Variants in PRR14L observed in about 807,000 individuals in gnomAD.
PRR14L encodes the protein proline rich 14 like, also known as protein PRR14L.
PRR14L carries 80 observed loss-of-function variants against 155.0 expected under a neutral mutation model. That is an observed-to-expected ratio of 0.52 (90% CI 0.43 to 0.62). The LOEUF (loss-of-function observed/expected upper bound fraction) is 0.62. PRR14L is among the 20% of genes least tolerant of loss of function. The pLI, the probability that PRR14L is intolerant of heterozygous loss-of-function variation, is 0.00. For synonymous variants in PRR14L, 883 were observed against 916.0 expected (o/e 0.96, Z 0.65); for missense variants, 2,469 against 2,548.0 (o/e 0.97, Z 0.67).
chr22:31,737,969 C>T (rs1388751110), intron 2 of PRR14L, among the ~76,000 whole-genome samples: 4 of 151,460 alleles, frequency 2.6e-5, no homozygotes, highest in Admixed American at 6.6e-5. Context: ...GAGCCAAGGT[C>T]GTGCCACTGC....
At chr22:31,693,512 C>T (rs1024824441) in intron 7 of PRR14L, among the ~76,000 whole-genome samples, 18 of 152,182 alleles carry the variant, frequency 1.2e-4, no homozygotes, top group Non-Finnish European at 2.4e-4. Context: ...TTTAGAAATT[C>T]TGAATAAAGC....
At chr22:31,717,330 T>C in intron 3 of PRR14L, 39 bp from the exon 4 acceptor site, 1 of 1,450,468 alleles carries the variant, frequency 6.9e-7, no homozygotes, top group East Asian at 2.5e-5. Context: ...TATGCAGTAA[T>C]AAAAAATCAC....
At chr22:31,731,817 C>A (rs1400174161) in intron 2 of PRR14L, among the ~76,000 whole-genome samples, 1 of 152,062 alleles carries the variant, frequency 6.6e-6, no homozygotes, top group African/African-American at 2.4e-5. Flanking sequence ...TGACTTTATT[C>A]TTTAAGAGGA....
Position 31,715,994 on chromosome 22 carries a change from G to A in PRR14L, c.1845C>T (p.Thr615=). 6.4e-7 allele frequency: 1 copy of A among 1,551,120 alleles called. No individual in the cohort carries two copies. Among genetic ancestry groups the A allele is most frequent in the Middle Eastern group, 1.7e-4 (1 of 5,992 alleles). ...YRPESEKVIQ[T]SHDDIPLLDE... is the part of the protein sequence containing the mutation. ...CTAAAAGTGGAATATCATCATGTGA[G>A]GTCTGTATAACTTTTTCTGACTCAG... The change falls in exon 4 of 9, where the codon ACC becomes ACT. Residue 615 remains threonine, a synonymous_variant. Transcript: ENST00000327423.
chr22:31,702,000 A>G (rs1049767517), intron 6 of PRR14L, among the ~76,000 whole-genome samples: 1 of 152,014 alleles, frequency 6.6e-6, no homozygotes, highest in African/African-American at 2.4e-5. Flanking sequence ...GGGTCTCGCT[A>G]TATTGCCCAG....
intron 7 of PRR14L, among the ~76,000 whole-genome samples, chr22:31,691,353 A>C (rs1388374356): frequency 6.6e-6 from 1 of 152,032 alleles, no homozygotes; most frequent in Admixed American, 6.6e-5. Context: ...TCAGCCTCCC[A>C]AAGTGCTGGG....
chr22:31,692,450 G>C (rs1339398859), intron 7 of PRR14L, among the ~76,000 whole-genome samples: 1 of 151,984 alleles, frequency 6.6e-6, no homozygotes, highest in Non-Finnish European at 1.5e-5. Flanking sequence ...AATGCTTGTG[G>C]GCCATTTGTC....
chr22:31,703,624 G>A lies in PRR14L; in HGVS notation c.5926C>T (p.Arg1976Cys), dbSNP rs757306550. Reference sequence around the variant, plus strand: ...ACACCATCCAGCTCATCCAATCCACGAACCTGGAACTCAGAGGCTGAAAGC... The same window carrying A: ...ACACCATCCAGCTCATCCAATCCACAAACCTGGAACTCAGAGGCTGAAAGC... ...LLLSASEFQV[R>C]GLDELDGVKA... Residue 1976 changes from arginine to cysteine, a missense_variant, in exon 6 of 9, where the codon CGT (arginine) becomes TGT (cysteine). Arg to Cys is a radical substitution (Grantham distance 180). Around this residue, in one of 2 missense-constraint regions of PRR14L, gnomAD observed 2,363 missense variants for 2,371.6 expected, o/e 1.00. Coordinates refer to ENST00000327423, the MANE Select transcript of PRR14L (RefSeq NM_173566.3). 9.9e-6 allele frequency: 16 copies of A among 1,613,730 alleles called. No individual in the cohort carries two copies. Among genetic ancestry groups the A allele is most frequent in the Admixed American group, 1.7e-5 (1 of 59,952 alleles).
Position 31,715,476 on chromosome 22 carries a change from C to T in PRR14L, c.2363G>A (p.Cys788Tyr), listed in dbSNP as rs773241791. 6.4e-6 allele frequency: 10 copies of T among 1,552,372 alleles called. No individual in the cohort carries two copies. The highest frequency in any genetic ancestry group is 8.7e-6 in the Non-Finnish European group (10 of 1,147,124). ...HSVQSQDISS[C>Y]HRVRKNVSQE... ...GGATACATTTTTTCTTACACGATGACAGCTAGAGATATCCTGAGATTGAAC... is the reference window on the plus strand; with the variant it reads ...GGATACATTTTTTCTTACACGATGATAGCTAGAGATATCCTGAGATTGAAC... The change falls in exon 4 of 9, where the codon TGT (cysteine) becomes TAT (tyrosine). Residue 788 changes from cysteine (C) to tyrosine (Y), a missense_variant. By Grantham distance (194) the Cys-to-Tyr change is radical. Around this residue, in one of 2 missense-constraint regions of PRR14L, gnomAD observed 2,363 missense variants for 2,371.6 expected, o/e 1.00. Transcript: ENST00000327423.
At chr22:31,719,802 T>C (rs1289669420) in intron 3 of PRR14L, among the ~76,000 whole-genome samples, 1 of 151,782 alleles carries the variant, frequency 6.6e-6, no homozygotes, top group African/African-American at 2.4e-5. Flanking sequence ...AGTGGTGCCA[T>C]CATGGCTCAC....
At position 31,723,622 on chromosome 22, in the gene PRR14L, T is replaced by C. The variant is rs190409634; in HGVS notation, c.547+1916A>G. ...GCCTCTAAGAACAGGGTGAGATTTA[T>C]GTACAAAACACCATTTCTCATCTTC... On this transcript the variant is annotated intron_variant, in intron 3 of 8. Coordinates refer to ENST00000327423, the MANE Select transcript of PRR14L (RefSeq NM_173566.3). Among the ~76,000 whole-genome samples the C allele has an allele frequency of 2.0e-5, 3 of 152,334 alleles. No homozygotes were observed. In the East Asian group the frequency reaches 5.8e-4, roughly 29 times the overall value.
At chr22:31,723,730 A>G (rs532253927) in intron 3 of PRR14L, among the ~76,000 whole-genome samples, 21 of 152,348 alleles carry the variant, frequency 1.4e-4, no homozygotes, top group African/African-American at 5.1e-4. Flanking sequence ...GCTGGGTGAT[A>G]AACTGGGACA....
rs772921565 is a variant in PRR14L, at chr22:31,714,165, T to C, written c.3674A>G (p.His1225Arg). The change falls in exon 4 of 9, where the codon CAT (histidine) becomes CGT (arginine). Residue 1225 changes from histidine (H) to arginine (R), a missense_variant. His to Arg is a conservative substitution (Grantham distance 29, BLOSUM62 0). Transcript: ENST00000327423. ...GISSKESMSC[H>R]DESSVSLRSL... ...TCTTAGGGAAACAGAGCTTTCATCATGGCAAGACATCGACTCTTTTGAGGA... is the reference window on the plus strand; with the variant it reads ...TCTTAGGGAAACAGAGCTTTCATCACGGCAAGACATCGACTCTTTTGAGGA... 9.7e-6 allele frequency: 15 copies of C among 1,551,554 alleles called. 1 individual carries two copies. Among genetic ancestry groups the C allele is most frequent in the Middle Eastern group, 3.3e-4 (2 of 6,014 alleles).
rs1191438526 is a variant in PRR14L, at chr22:31,713,505, T to C, written c.4334A>G (p.Asn1445Ser). ...KADKDESTMI[N>S]EITLAKLAKD... ...GGCCAGCTTTGCTAGGGTGATTTCA[T>C]TGATCATGGTGGACTCATCTTTGTC... The change falls in exon 4 of 9, where the codon AAT becomes AGT. Residue 1445 changes from asparagine to serine, a missense_variant. Asn to Ser is a conservative substitution (Grantham distance 46). Around this residue, in one of 2 missense-constraint regions of PRR14L, gnomAD observed 2,363 missense variants for 2,371.6 expected, o/e 1.00. Transcript: ENST00000327423. 2.6e-6 allele frequency: 4 copies of C among 1,552,148 alleles called. No homozygotes were observed. The highest frequency in any genetic ancestry group is 2.4e-5 in the South Asian group (2 of 84,056).
chr22:31,713,206 T>C lies in PRR14L; in HGVS notation c.4633A>G (p.Arg1545Gly), dbSNP rs532999755. The C allele has an allele frequency of 7.1e-6, 11 of 1,551,900 alleles. No homozygotes were observed. The highest frequency in any genetic ancestry group is 7.8e-6 in the Non-Finnish European group (9 of 1,147,042). Residue 1545 changes from arginine (R) to glycine (G), a missense_variant, in exon 4 of 9, where the codon AGA becomes GGA. Arg to Gly is a moderately radical substitution (Grantham distance 125). Around this residue, in one of 2 missense-constraint regions of PRR14L, gnomAD observed 2,363 missense variants for 2,371.6 expected, o/e 1.00. Coordinates refer to ENST00000327423, the MANE Select transcript of PRR14L (RefSeq NM_173566.3). Reference protein sequence around the residue: ...IIVGRKIGKIRSSAFLKSSSN... With the variant: ...IIVGRKIGKIGSSAFLKSSSN... ...GAACTCTTTAAAAAGGCAGAACTTC[T>C]GATTTTACCTATTTTTCTCCCAACA... is the stretch of plus-strand genomic sequence containing the variant.
intron 7 of PRR14L, among the ~76,000 whole-genome samples, chr22:31,698,204 T>C (rs1021887157): frequency 1.3e-5 from 2 of 152,082 alleles, no homozygotes; most frequent in Non-Finnish European, 2.9e-5. Context: ...TTTGTATTTT[T>C]AGTAGAGACA....
intron 7 of PRR14L, among the ~76,000 whole-genome samples, chr22:31,688,996 T>C (rs1427627778): frequency 6.6e-6 from 1 of 152,124 alleles, no homozygotes; most frequent in African/African-American, 2.4e-5. Context: ...GCAGGCCATA[T>C]GCTTGCTTTT....
In PRR14L at chr22:31,706,440, T is replaced by TTTTTTTTTTTTTTTTTG. The variant is rs2074592490; in HGVS notation, c.5757-1715_5757-1714insCAAAAAAAAAAAAAAAA. On this transcript the variant is annotated intron_variant, in intron 4 of 8. Transcript: ENST00000327423. ...AATTAAACTCTTCCTTTTTCTTTTT[T>TTTTTTTTTTTTTTTTTG]TTGAGACGGAGTCTCACTTTGTCAC... Among the ~76,000 whole-genome samples the TTTTTTTTTTTTTTTTTG allele has an allele frequency of 1.3e-5, 2 of 151,422 alleles. 1 individual carries two copies. The highest frequency in any genetic ancestry group is 2.9e-5 in the Non-Finnish European group (2 of 67,876).
Position 31,714,913 on chromosome 22 carries a change from G to T in PRR14L, c.2926C>A (p.Gln976Lys). The T allele has an allele frequency of 6.4e-7, 1 of 1,551,846 alleles. No individual in the cohort carries two copies. Among genetic ancestry groups the T allele is most frequent in the Non-Finnish European group, 8.7e-7 (1 of 1,147,030 alleles). ...CTTTTGCATTCATCTGGTCTGTTTTGGTTACTCTGACAGTCAAGGACTTCA... is the reference window on the plus strand; with the variant it reads ...CTTTTGCATTCATCTGGTCTGTTTTTGTTACTCTGACAGTCAAGGACTTCA... ...ADEVLDCQSN[Q>K]NRPDECKSEG... Residue 976 changes from glutamine (Q) to lysine (K), a missense_variant, in exon 4 of 9, where the codon CAA becomes AAA. Physicochemically the swap from Gln to Lys is moderately conservative, Grantham distance 53 (BLOSUM62 1). Transcript: ENST00000327423.
Sources: gnomAD v4.1 joint callset for allele counts (sites outside exome capture counted in the v4.1 genomes callset) on GRCh38, gnomAD v4.1.1 for gene constraint, gnomAD v4.1.1 regional missense constraint, MANE v1.5 for transcripts, NCBI Gene and HGNC (gene_info 2026-07-23, HGNC 2026-07-21) for gene names.